The following STRN variants were observed in gnomAD, a reference collection of about 807,000 sequenced individuals.
STRN encodes the protein protein phosphatase 2 regulatory subunit B'''alpha.
Under a neutral mutation model 96.3 loss-of-function variants are expected in STRN, and 53 were observed. That is an observed-to-expected ratio of 0.55 (90% CI 0.44 to 0.69). The LOEUF is 0.69. Among genes scored for constraint, STRN ranks in the 30% least tolerant of loss-of-function variants. The pLI is 0.00. For synonymous variants in STRN, 428 were observed against 355.9 expected (o/e 1.20, Z -2.28); for missense variants, 987 against 963.9 (o/e 1.02, Z -0.32).
intron 1 of STRN, among the ~76,000 whole-genome samples, chr2:36,926,782 G>T (rs1670421211): frequency 6.6e-6 from 1 of 152,128 alleles, no homozygotes; most frequent in East Asian, 1.9e-4. Context: ...ATTGTTTTCA[G>T]AGGAAAAGGC....
At chr2:36,965,892 A>T (rs1192692820) in intron 1 of STRN, among the ~76,000 whole-genome samples, 1 of 152,088 alleles carries the variant, frequency 6.6e-6, no homozygotes, top group African/African-American at 2.4e-5. Flanking sequence ...GTCTCTCAAA[A>T]CTACTGCCAG....
rs558925007 is a variant in STRN at position 36,916,851 on chromosome 2, G to T, written c.339-700C>A. 5.9e-5 allele frequency among the ~76,000 whole-genome samples: 9 copies of T among 151,944 alleles called. No homozygotes were observed. In the South Asian group the frequency reaches 6.2e-4, roughly 11 times the overall value. On this transcript the variant is annotated intron_variant, in intron 2 of 17. Coordinates refer to ENST00000263918, the MANE Select transcript of STRN (RefSeq NM_003162.4). Reference sequence around the variant, plus strand: ...TTAACCATCTGATTTAACTATCTCGGATTTAACCATGAGACTAGAAAAATA... The same window carrying T: ...TTAACCATCTGATTTAACTATCTCGTATTTAACCATGAGACTAGAAAAATA...
intron 13 of STRN, among the ~76,000 whole-genome samples, chr2:36,858,929 G>T (rs1668414004): frequency 6.6e-6 from 1 of 152,176 alleles, no homozygotes; most frequent in African/African-American, 2.4e-5. Flanking sequence ...AACTTGGAGA[G>T]TGAAACCTAG....
rs548870631 is a variant in STRN at position 36,893,232 on chromosome 2, T to C, written c.931+666A>G. 3.3e-5 allele frequency among the ~76,000 whole-genome samples: 5 copies of C among 152,276 alleles called. No individual in the cohort carries two copies. In the South Asian group the frequency reaches 8.3e-4, roughly 25 times the overall value. Reference sequence around the variant, plus strand: ...AGTCAATATACAACTCTAAGTAAGATTTCTTTATATATGTTACAGACAATT... The same window carrying C: ...AGTCAATATACAACTCTAAGTAAGACTTCTTTATATATGTTACAGACAATT... On this transcript the variant is annotated intron_variant, in intron 7 of 17. Coordinates refer to ENST00000263918, the MANE Select transcript of STRN (RefSeq NM_003162.4).
intron 7 of STRN, among the ~76,000 whole-genome samples, chr2:36,889,299 A>G (rs147534859): frequency 7.2e-5 from 11 of 152,304 alleles, no homozygotes; most frequent in Admixed American, 3.3e-4. Context: ...GGGCCTCTGA[A>G]TATAATACTA....
At chr2:36,925,828 C>T (rs1019228220) in intron 1 of STRN, among the ~76,000 whole-genome samples, 1 of 152,156 alleles carries the variant, frequency 6.6e-6, no homozygotes, top group Non-Finnish European at 1.5e-5. Flanking sequence ...GTGTACAGTA[C>T]AGTTTGCTAA....
chr2:36,907,488 C>CA (rs551912893), intron 3 of STRN, among the ~76,000 whole-genome samples: 188 of 151,870 alleles, frequency 1.2e-3, no homozygotes, highest in African/African-American at 4.3e-3. Context: ...GCGGAGGTTG[C>CA]AGTGAGCCGA....
intron 1 of STRN, among the ~76,000 whole-genome samples, chr2:36,946,757 A>G (rs984919141): frequency 3.3e-5 from 5 of 152,178 alleles, no homozygotes; most frequent in African/African-American, 1.2e-4. Context: ...TAAAATTTAG[A>G]CAGTTTCTAA....
chr2:36,902,962 G>C (rs182229897), intron 4 of STRN: 2 of 340,768 alleles, frequency 5.9e-6, no homozygotes, highest in Non-Finnish European at 1.0e-5. Context: ...AGAAAAATGA[G>C]AGAACTATAC....
At chr2:36,934,981 G>C (rs1157148461) in intron 1 of STRN, among the ~76,000 whole-genome samples, 1 of 152,202 alleles carries the variant, frequency 6.6e-6, no homozygotes, top group African/African-American at 2.4e-5. Flanking sequence ...GGGAGGCTGA[G>C]GCACAAGAAT....
intron 1 of STRN, among the ~76,000 whole-genome samples, chr2:36,952,480 G>A (rs992559643): frequency 6.7e-6 from 1 of 148,576 alleles, no homozygotes; most frequent in East Asian, 2.0e-4. Context: ...CAAAATATTT[G>A]CTTCTACTTA....
At position 36,849,497 on chromosome 2, in the gene STRN, C is replaced by T; in HGVS notation, c.2302G>A (p.Ala768Thr). Residue 768 changes from alanine to threonine, a missense_variant, in exon 18 of 18, where the codon GCC (alanine) becomes ACC (threonine). By Grantham distance (58) the Ala-to-Thr change is moderately conservative. Coordinates refer to ENST00000263918, the MANE Select transcript of STRN (RefSeq NM_003162.4). ...GCCAGTGCGTCAGCTCCAGCACTGG[C>T]TATATAGCATTTGGATGGGTGGAAA... is the stretch of plus-strand genomic sequence containing the variant. ...VAFHPSKCYIASAGADALAKV... is the reference protein window; with the variant it reads ...VAFHPSKCYITSAGADALAKV... 6.2e-7 allele frequency: 1 copy of T among 1,614,056 alleles called. No homozygotes were observed. Among genetic ancestry groups the T allele is most frequent in the Non-Finnish European group, 8.5e-7 (1 of 1,179,994 alleles).
intron 1 of STRN, among the ~76,000 whole-genome samples, chr2:36,964,665 C>T (rs1203549661): frequency 6.6e-6 from 1 of 152,196 alleles, no homozygotes; most frequent in African/African-American, 2.4e-5. Flanking sequence ...CATTCAGCTG[C>T]TCATTTGTCA....
intron 1 of STRN, among the ~76,000 whole-genome samples, chr2:36,929,668 C>A (rs1670520588): frequency 6.6e-6 from 1 of 152,162 alleles, no homozygotes; most frequent in South Asian, 2.1e-4. Context: ...CAGGTGTGAG[C>A]CACCACGCCC....
rs1322745920 is a variant in STRN at position 36,845,105 on chromosome 2, A to C, written c.*4351T>G. The C allele has an allele frequency of 1.3e-5, 2 of 152,186 alleles. No individual in the cohort carries two copies. The highest frequency in any genetic ancestry group is 4.8e-5 in the African/African-American group (2 of 41,456). The allele number at this position is 152,186 out of a possible 1,614,324, so 9.4% of individuals were successfully genotyped here. On this transcript the variant is annotated 3_prime_UTR_variant, in exon 18 of 18. Transcript: ENST00000263918. ...TGTAGTCACTTTCAAAGAATAAAGT[A>C]ATCTAAATAAAATTATACTTAGCAC...
At chr2:36,862,504 T>A (rs1229981379) in intron 12 of STRN, among the ~76,000 whole-genome samples, 3 of 152,176 alleles carry the variant, frequency 2.0e-5, no homozygotes, top group Non-Finnish European at 4.4e-5. Context: ...ATAATAAGTG[T>A]TGTTGAGCAT....
At chr2:36,892,892 A>G (rs998872674) in intron 7 of STRN, among the ~76,000 whole-genome samples, 2 of 151,960 alleles carry the variant, frequency 1.3e-5, no homozygotes, top group African/African-American at 4.8e-5. Flanking sequence ...CTGGTGGCGC[A>G]CACTGTAGTC....
At position 36,839,951 on chromosome 2, in the gene STRN, A is replaced by AC. The variant is rs1288323870; in HGVS notation, c.*9504_*9505insG. 6.6e-6 allele frequency: 1 copy of AC among 152,236 alleles called. No homozygotes were observed. The highest frequency in any genetic ancestry group is 2.4e-5 in the African/African-American group (1 of 41,472). The allele number at this position is 152,236 out of a possible 1,614,324, so 9.4% of individuals were successfully genotyped here. A position where few individuals can be genotyped will look rare whatever the true frequency, so the allele number is the denominator to read the frequency against. On this transcript the variant is annotated 3_prime_UTR_variant, in exon 18 of 18. Coordinates refer to ENST00000263918, the MANE Select transcript of STRN (RefSeq NM_003162.4). ...GGAGTGCTGTCAGAAAACCAAAGAC[A>AC]GAGATGTTCCTAGGAGAGTTAATAA...
intron 7 of STRN, among the ~76,000 whole-genome samples, chr2:36,891,174 A>T (rs907478417): frequency 5.9e-5 from 9 of 152,234 alleles, no homozygotes; most frequent in Admixed American, 6.5e-5. Context: ...TCAGGGATAG[A>T]CAGACAGCCT....
Sources: allele counts gnomAD v4.1 joint callset (sites outside exome capture counted in the v4.1 genomes callset), GRCh38; gene constraint gnomAD v4.1.1; transcripts MANE v1.5; gene names NCBI Gene and HGNC (gene_info 2026-07-23, HGNC 2026-07-21).